The following MED12L variants were observed in gnomAD, a reference collection of about 807,000 sequenced individuals.
The protein encoded by MED12L is mediator of RNA polymerase II transcription subunit 12-like protein.
MED12L carries 60 observed loss-of-function variants against 281.3 expected under a neutral mutation model. That is an observed-to-expected ratio of 0.21 (90% CI 0.17 to 0.26). The LOEUF (loss-of-function observed/expected upper bound fraction) is 0.26, where lower values mean the gene tolerates loss of function less well. Ranked by LOEUF, MED12L falls within the 10% of genes least tolerant of loss-of-function variation. MED12L has a pLI of 1.00. For missense variants in MED12L, 2,146 were observed against 2,680.9 expected (o/e 0.80, Z 4.41); for synonymous variants, 974 against 987.2 (o/e 0.99, Z 0.25).
intron 43 of MED12L, among the ~76,000 whole-genome samples, chr3:151,426,827 T>C (rs916721449): frequency 8.7e-4 from 133 of 152,138 alleles, no homozygotes; most frequent in Non-Finnish European, 1.7e-3. Context: ...TTACTTTTTT[T>C]TTTTTTTTGA....
At chr3:151,190,112 T>C (rs1559857207) in intron 13 of MED12L, among the ~76,000 whole-genome samples, 1 of 152,164 alleles carries the variant, frequency 6.6e-6, no homozygotes, top group Non-Finnish European at 1.5e-5. Context: ...GCTGTCTTTT[T>C]TTCTGATCCT....
chr3:151,158,483 T>A (rs546367568), intron 6 of MED12L, among the ~76,000 whole-genome samples: 51 of 152,070 alleles, frequency 3.4e-4, no homozygotes, highest in Non-Finnish European at 6.9e-4. Flanking sequence ...TTTTTCTCAA[T>A]TTGGAGCAGA....
intron 16 of MED12L, 119 bp from the exon 17 acceptor site, chr3:151,349,940 G>A: frequency 1.3e-6 from 1 of 774,212 alleles, no homozygotes; most frequent in Non-Finnish European, 2.0e-6. Context: ...TTGAAGGGAG[G>A]GCGGGATGCC....
intron 2 of MED12L, among the ~76,000 whole-genome samples, chr3:151,116,130 AC>A (rs1388855554): frequency 6.6e-6 from 1 of 151,750 alleles, no homozygotes; most frequent in African/African-American, 2.4e-5. Flanking sequence ...CCTAGAGTCA[AC>A]AGTTAACATT....
chr3:151,310,539 G>A (rs886599042), intron 16 of MED12L, among the ~76,000 whole-genome samples: 9 of 152,186 alleles, frequency 5.9e-5, no homozygotes, highest in African/African-American at 2.2e-4. Flanking sequence ...ATGGTGTTCT[G>A]TAGGCCAGCT....
chr3:151,365,217 T>A lies in MED12L; in HGVS notation c.3185+11T>A, dbSNP rs1755128501. On this transcript the variant is annotated intron_variant, in intron 22 of 44. Coordinates refer to ENST00000687756, the MANE Select transcript of MED12L (RefSeq NM_001393769.1). ...TCAGGATGCTGGCAGGTGAGATGGGTTACCCTGGAATTCATGATTAACCAA... is the reference window on the plus strand; with the variant it reads ...TCAGGATGCTGGCAGGTGAGATGGGATACCCTGGAATTCATGATTAACCAA... The A allele has an allele frequency of 6.2e-7, 1 of 1,604,688 alleles. No homozygotes were observed. Among genetic ancestry groups the A allele is most frequent in the African/African-American group, 1.3e-5 (1 of 74,706 alleles).
intron 44 of MED12L, 38 bp from the exon 45 acceptor site, chr3:151,432,714 G>A: frequency 6.5e-7 from 1 of 1,539,390 alleles, no homozygotes; most frequent in Non-Finnish European, 9.0e-7. Flanking sequence ...CAATAGTTTT[G>A]TGTCTGTAAT....
chr3:151,227,089 T>A lies in MED12L; in HGVS notation c.2250+33423T>A, dbSNP rs567437380. Among the ~76,000 whole-genome samples the A allele has an allele frequency of 3.3e-5, 5 of 152,332 alleles. No homozygotes were observed. The East Asian group carries it at 9.6e-4, about 29-fold the overall frequency. On this transcript the variant is annotated intron_variant, in intron 16 of 44. Coordinates refer to ENST00000687756, the MANE Select transcript of MED12L (RefSeq NM_001393769.1). ...GATCAGGTCACTTGATCCTAACTCCTGCTGCTGTGACCCATCGACTTTACC... is the reference window on the plus strand; with the variant it reads ...GATCAGGTCACTTGATCCTAACTCCAGCTGCTGTGACCCATCGACTTTACC...
intron 2 of MED12L, among the ~76,000 whole-genome samples, chr3:151,105,990 T>C (rs1721968627): frequency 6.6e-6 from 1 of 152,172 alleles, no homozygotes; most frequent in Non-Finnish European, 1.5e-5. Context: ...GTAAATCCTG[T>C]TGGGTTTCCC....
At chr3:151,273,842 C>T (rs1741417882) in intron 16 of MED12L, among the ~76,000 whole-genome samples, 1 of 152,154 alleles carries the variant, frequency 6.6e-6, no homozygotes, top group African/African-American at 2.4e-5. Flanking sequence ...CTTGGTGATG[C>T]AGACTGTTGT....
At chr3:151,321,451 T>G (rs967691541) in intron 16 of MED12L, among the ~76,000 whole-genome samples, 1 of 152,168 alleles carries the variant, frequency 6.6e-6, no homozygotes, top group Non-Finnish European at 1.5e-5. Flanking sequence ...AAAAAAAGAC[T>G]TAAAGACCAG....
chr3:151,287,179 G>T lies in MED12L; in HGVS notation c.2251-62880G>T, dbSNP rs375869763. ...CTAGAAAAGAGTATGCAAAAGACTG[G>T]CAAGGAGCAGAAAAATCAAGACCTC... On this transcript the variant is annotated intron_variant, in intron 16 of 44. Transcript: ENST00000687756. Among the ~76,000 whole-genome samples the T allele has an allele frequency of 7.6e-4, 116 of 152,262 alleles. 1 individual carries two copies. The highest frequency in any genetic ancestry group is 2.7e-3 in the African/African-American group (113 of 41,548).
intron 31 of MED12L, among the ~76,000 whole-genome samples, chr3:151,379,333 C>T (rs780319690): frequency 1.4e-4 from 22 of 152,204 alleles, no homozygotes; most frequent in Non-Finnish European, 2.6e-4. Context: ...GAGAATAATG[C>T]TGATTGAAAT....
chr3:151,115,042 G>C (rs942629867), intron 2 of MED12L, among the ~76,000 whole-genome samples: 1 of 152,184 alleles, frequency 6.6e-6, no homozygotes, highest in African/African-American at 2.4e-5. Flanking sequence ...CAACGGGCAT[G>C]AAGATACATA....
At chr3:151,348,136 C>T (rs935160799) in intron 16 of MED12L, among the ~76,000 whole-genome samples, 5 of 152,046 alleles carry the variant, frequency 3.3e-5, no homozygotes, top group African/African-American at 1.2e-4. Flanking sequence ...TGTCTTGCCT[C>T]AAATAGATAT....
intron 5 of MED12L, among the ~76,000 whole-genome samples, chr3:151,148,856 T>A (rs1469758801): frequency 1.3e-5 from 2 of 152,204 alleles, no homozygotes; most frequent in African/African-American, 4.8e-5. Flanking sequence ...ACAAGGAAAT[T>A]TATTGAAAAA....
rs1357502973 is a variant in MED12L, at chr3:151,388,180, G to A, written c.5451+8G>A. ...TCTAGCTCAAGAGTTGATGTAAGTGGGGAAAGGAAGGAGAACCTTGGCTCA... is the reference window on the plus strand; with the variant it reads ...TCTAGCTCAAGAGTTGATGTAAGTGAGGAAAGGAAGGAGAACCTTGGCTCA... On this transcript the variant is annotated splice_region_variant and intron_variant, in intron 37 of 44. Coordinates refer to ENST00000687756, the MANE Select transcript of MED12L (RefSeq NM_001393769.1). 1.4e-5 allele frequency: 22 copies of A among 1,584,510 alleles called. No homozygotes were observed. Among genetic ancestry groups the A allele is most frequent in the Non-Finnish European group, 1.9e-5 (22 of 1,171,134 alleles).
intron 16 of MED12L, among the ~76,000 whole-genome samples, chr3:151,221,486 G>A (rs1729343975): frequency 6.6e-6 from 1 of 152,180 alleles, no homozygotes; most frequent in African/African-American, 2.4e-5. Context: ...TGGTTTCGTG[G>A]GCCCAGCCCA....
chr3:151,311,756 G>A (rs1204975524), intron 16 of MED12L, among the ~76,000 whole-genome samples: 1 of 152,140 alleles, frequency 6.6e-6, no homozygotes, highest in Non-Finnish European at 1.5e-5. Context: ...GCCAGGCGTG[G>A]TGGCTCATGC....
Sources: gnomAD v4.1 joint callset for allele counts (sites outside exome capture counted in the v4.1 genomes callset) on GRCh38, gnomAD v4.1.1 for gene constraint, MANE v1.5 for transcripts, NCBI Gene and HGNC (gene_info 2026-07-23, HGNC 2026-07-21) for gene names.